The following PDZD2 variants were observed in gnomAD, a reference collection of about 807,000 sequenced individuals.
PDZD2 encodes PDZ domain containing 2.
Under a neutral mutation model 220.7 loss-of-function variants are expected in PDZD2, and 90 were observed. That is an observed-to-expected ratio of 0.41 (90% CI 0.34 to 0.49). The LOEUF (loss-of-function observed/expected upper bound fraction) is 0.49, where lower values mean the gene tolerates loss of function less well. Ranked by LOEUF, PDZD2 falls within the 20% of genes least tolerant of loss-of-function variation. The pLI is 0.28. For synonymous variants in PDZD2, 1,375 were observed against 1,450.5 expected (o/e 0.95, Z 1.18); for missense variants, 3,174 against 3,608.5 (o/e 0.88, Z 3.08).
chr5:31,690,635 C>G (rs1747081371), intron 1 of PDZD2, among the ~76,000 whole-genome samples: 2 of 152,312 alleles, frequency 1.3e-5, no homozygotes, highest in Middle Eastern at 3.4e-3. Context: ...TGCCCCTCCT[C>G]TTCTCTGTAT....
intron 1 of PDZD2, among the ~76,000 whole-genome samples, chr5:31,687,920 G>C (rs972481473): frequency 2.0e-5 from 3 of 152,120 alleles, no homozygotes; most frequent in African/African-American, 7.2e-5. Flanking sequence ...CACATGGTGG[G>C]TTAGGGCTTA....
chr5:31,757,075 G>A (rs1237940467), intron 1 of PDZD2, among the ~76,000 whole-genome samples: 1 of 151,904 alleles, frequency 6.6e-6, no homozygotes, highest in African/African-American at 2.4e-5. Flanking sequence ...CGTGAGGCCA[G>A]GAGTTTGAGA....
chr5:31,776,449 AT>A (rs1288096078), intron 1 of PDZD2, among the ~76,000 whole-genome samples: 3 of 125,676 alleles, frequency 2.4e-5, no homozygotes, highest in African/African-American at 9.2e-5. Flanking sequence ...TTGTGTTTTT[AT>A]TTTATTTATT....
intron 2 of PDZD2, among the ~76,000 whole-genome samples, chr5:31,846,284 C>T (rs1439581790): frequency 2.0e-5 from 3 of 152,188 alleles, no homozygotes; most frequent in Non-Finnish European, 2.9e-5. Flanking sequence ...CAGGCGTGCA[C>T]CACTGCACCC....
At chr5:31,874,775 A>AAG (rs1739159727) in intron 2 of PDZD2, among the ~76,000 whole-genome samples, 1 of 151,766 alleles carries the variant, frequency 6.6e-6, no homozygotes, top group Admixed American at 6.6e-5. Context: ...AAAAAAAAAA[A>AAG]AGATAAAATG....
At chr5:31,840,576 A>G in intron 2 of PDZD2, 1 of 711,496 alleles carries the variant, frequency 1.4e-6, no homozygotes, top group South Asian at 1.5e-5. Flanking sequence ...CTCTGCGTGG[A>G]GCAGGCTGGC....
chr5:31,878,788 C>T (rs1739580427), intron 2 of PDZD2, among the ~76,000 whole-genome samples: 1 of 151,478 alleles, frequency 6.6e-6, no homozygotes, highest in Non-Finnish European at 1.5e-5. Context: ...GTCTCGATCT[C>T]CTGACTTCGT....
intron 1 of PDZD2, among the ~76,000 whole-genome samples, chr5:31,737,895 AC>A (rs1392374772): frequency 1.3e-5 from 2 of 152,226 alleles, no homozygotes; most frequent in Admixed American, 6.5e-5. Flanking sequence ...TCTCATAAGA[AC>A]CGTATGAAAC....
chr5:31,833,720 C>T (rs1048983711), intron 2 of PDZD2, among the ~76,000 whole-genome samples: 12 of 152,118 alleles, frequency 7.9e-5, no homozygotes, highest in Non-Finnish European at 1.5e-5. Flanking sequence ...TTACCTGGGC[C>T]CTCTAGAGAC....
At chr5:31,762,271 G>A (rs900401664) in intron 1 of PDZD2, among the ~76,000 whole-genome samples, 2 of 151,878 alleles carry the variant, frequency 1.3e-5, no homozygotes, top group African/African-American at 4.8e-5. Context: ...ACTTGGTTTT[G>A]TTTGTTGTTG....
intron 1 of PDZD2, among the ~76,000 whole-genome samples, chr5:31,689,353 A>ATATATATATATTTTTTTTTTTTTTCTTT: frequency 5.7e-5 from 2 of 35,142 alleles, no homozygotes; most frequent in East Asian, 1.8e-3. Context: ...ATATATATAT[A>ATATATATATATTTTTTTTTTTTTTCTTT]TTTTTTTTTT....
chr5:31,704,076 G>A (rs146656773), intron 1 of PDZD2, among the ~76,000 whole-genome samples: 1,906 of 150,932 alleles, frequency 0.013, 48 homozygotes, highest in African/African-American at 0.044. Flanking sequence ...GCAGTGGCAC[G>A]ATCATAGATC....
chr5:32,009,382 A>T (rs1036054000), intron 5 of PDZD2, among the ~76,000 whole-genome samples: 2 of 151,938 alleles, frequency 1.3e-5, no homozygotes, highest in Admixed American at 1.3e-4. Flanking sequence ...CAATAAAAAA[A>T]AGATGCTGAC....
intron 18 of PDZD2, among the ~76,000 whole-genome samples, chr5:32,075,598 C>T (rs186868077): frequency 4.6e-5 from 7 of 152,226 alleles, no homozygotes; most frequent in African/African-American, 1.2e-4. Flanking sequence ...TACTTGGTTA[C>T]GAGTATGTTA....
intron 24 of PDZD2, among the ~76,000 whole-genome samples, chr5:32,101,848 T>G (rs1206253518): frequency 6.6e-6 from 1 of 152,216 alleles, no homozygotes; most frequent in Non-Finnish European, 1.5e-5. Context: ...AATCTTATAT[T>G]AACTCATAAT....
intron 2 of PDZD2, among the ~76,000 whole-genome samples, chr5:31,904,474 T>G (rs941945805): frequency 6.6e-6 from 1 of 152,234 alleles, no homozygotes; most frequent in Admixed American, 6.5e-5. Flanking sequence ...ATAACTTAGA[T>G]GCTGAGATGT....
At chr5:31,860,568 T>G (rs1474436607) in intron 2 of PDZD2, among the ~76,000 whole-genome samples, 1 of 152,192 alleles carries the variant, frequency 6.6e-6, no homozygotes, top group Non-Finnish European at 1.5e-5. Context: ...TGTCCCAACT[T>G]TGCCCCAGAA....
intron 6 of PDZD2, among the ~76,000 whole-genome samples, chr5:32,010,848 T>C (rs1458641611): frequency 6.7e-6 from 1 of 150,328 alleles, no homozygotes; most frequent in African/African-American, 2.4e-5. Context: ...ATACAAAAAT[T>C]AGCCAGGCAT....
intron 1 of PDZD2, among the ~76,000 whole-genome samples, chr5:31,787,325 A>G (rs1017746646): frequency 1.3e-5 from 2 of 152,230 alleles, no homozygotes; most frequent in African/African-American, 2.4e-5. Flanking sequence ...CTCTAGAAAT[A>G]TTATTAACCC....
Sources: allele counts gnomAD v4.1 joint callset (sites outside exome capture counted in the v4.1 genomes callset), GRCh38; gene constraint gnomAD v4.1.1; transcripts MANE v1.5; gene names NCBI Gene and HGNC (gene_info 2026-07-23, HGNC 2026-07-21).